The following ARHGEF7 variants were observed in gnomAD, a reference collection of about 807,000 sequenced individuals.
ARHGEF7 encodes PAK-interacting exchange factor beta.
In ARHGEF7, 33 loss-of-function variants were observed where a neutral mutation model predicts 109.8. The observed-to-expected ratio is 0.30, with a 90% CI of 0.23 to 0.40. The LOEUF (loss-of-function observed/expected upper bound fraction) is 0.40, where lower values mean the gene tolerates loss of function less well. Ranked by LOEUF, ARHGEF7 falls within the 10% of genes least tolerant of loss-of-function variation. The pLI is 1.00. For synonymous variants in ARHGEF7, 458 were observed against 424.6 expected, an observed-to-expected ratio of 1.08 and a Z score of -0.97; for missense variants, 938 against 1,098.5, an observed-to-expected ratio of 0.85 and a Z score of 2.07.
rs1417785536 is a variant in ARHGEF7 at position 111,221,329 on chromosome 13, GTCTATATATATCT to G, written c.670+3450_670+3462del. Among the ~76,000 whole-genome samples, 4 of 1,636 alleles carry G rather than the reference GTCTATATATATCT, an allele frequency of 2.4e-3. 2 individuals carry two copies. Among genetic ancestry groups the G allele is most frequent in the South Asian group, 0.059 (2 of 34 alleles). The allele number at this position is 1,636 out of a possible 152,430, so 1.1% of individuals were successfully genotyped here. A position where few individuals can be genotyped will look rare whatever the true frequency, so the allele number is the denominator to read the frequency against. On this transcript the variant is annotated intron_variant, in intron 5 of 21. Transcript: ENST00000646102. Reference sequence around the variant, plus strand: ...TATATATCTATATATAGATATATATGTCTATATATATCTATATATATGTCTATATATATATCTA... The same window carrying G: ...TATATATCTATATATAGATATATATGATATATATGTCTATATATATATCTA...
chr13:111,263,788 CTG>C (rs1436752801), intron 8 of ARHGEF7, among the ~76,000 whole-genome samples: 1 of 150,194 alleles, frequency 6.7e-6, no homozygotes, highest in Non-Finnish European at 1.5e-5. Flanking sequence ...TTCTCAAAAC[CTG>C]TGTGTCTTAA....
rs146625966 is a variant in ARHGEF7, at chr13:111,274,102, C to A, written c.1212+150C>A. On this transcript the variant is annotated intron_variant, in intron 10 of 21. Coordinates refer to ENST00000646102, the MANE Select transcript of ARHGEF7 (RefSeq NM_001354046.2). Reference sequence around the variant, plus strand: ...GAGTTTTGTTAAATATTATGTTTTTCTCCTTATTCCAGCTCTATTAGAAAA... The same window carrying A: ...GAGTTTTGTTAAATATTATGTTTTTATCCTTATTCCAGCTCTATTAGAAAA... 138 of 1,014,864 alleles carry A rather than the reference C, an allele frequency of 1.4e-4. No homozygotes were observed. In the African/African-American group the frequency reaches 2.1e-3, roughly 15 times the overall value. The allele number at this position is 1,014,864 out of a possible 1,614,324, so 62.9% of individuals were successfully genotyped here. A position where few individuals can be genotyped will look rare whatever the true frequency, so the allele number is the denominator to read the frequency against.
chr13:111,213,653 A>AT (rs2082765242), intron 4 of ARHGEF7, among the ~76,000 whole-genome samples: 1 of 152,060 alleles, frequency 6.6e-6, no homozygotes, highest in African/African-American at 2.4e-5. Context: ...CAACTGAATG[A>AT]TTTAGATTCC....
intron 1 of ARHGEF7, among the ~76,000 whole-genome samples, chr13:111,130,010 G>A (rs1450995351): frequency 6.6e-6 from 1 of 152,196 alleles, no homozygotes; most frequent in Non-Finnish European, 1.5e-5. Context: ...TAAACAGATT[G>A]TGGTATATTC....
At chr13:111,158,700 A>T (rs1436384275) in intron 2 of ARHGEF7, among the ~76,000 whole-genome samples, 2 of 152,228 alleles carry the variant, frequency 1.3e-5, no homozygotes, top group African/African-American at 4.8e-5. Flanking sequence ...AGCTTGCCTC[A>T]TATCCAGTTT....
At chr13:111,202,224 G>A (rs1256008405) in intron 2 of ARHGEF7, among the ~76,000 whole-genome samples, 1 of 152,202 alleles carries the variant, frequency 6.6e-6, no homozygotes, top group Non-Finnish European at 1.5e-5. Flanking sequence ...TAGTGCAGGT[G>A]GCAGGAAGTG....
intron 1 of ARHGEF7, among the ~76,000 whole-genome samples, chr13:111,118,267 G>T (rs1173549483): frequency 6.6e-6 from 1 of 152,270 alleles, no homozygotes; most frequent in Non-Finnish European, 1.5e-5. Flanking sequence ...TAGGAAGAGG[G>T]TGGAGGGAGC....
At chr13:111,197,458 C>T (rs1043425545) in intron 2 of ARHGEF7, among the ~76,000 whole-genome samples, 1 of 152,194 alleles carries the variant, frequency 6.6e-6, no homozygotes, top group Non-Finnish European at 1.5e-5. Flanking sequence ...ATGACCCTTA[C>T]TGACGCATTC....
At chr13:111,143,014 T>C (rs1487245719) in intron 1 of ARHGEF7, among the ~76,000 whole-genome samples, 2 of 152,156 alleles carry the variant, frequency 1.3e-5, no homozygotes, top group African/African-American at 4.8e-5. Flanking sequence ...CTTCACTGTG[T>C]GTGGAGCTGG....
At chr13:111,265,145 AAAG>A (rs1555392425) in intron 8 of ARHGEF7, among the ~76,000 whole-genome samples, 1 of 150,194 alleles carries the variant, frequency 6.7e-6, no homozygotes, top group African/African-American at 2.5e-5. Flanking sequence ...AAAAAAAAAA[AAAG>A]AAGACCCATT....
At chr13:111,297,135 T>C (rs2093445174) in intron 19 of ARHGEF7, among the ~76,000 whole-genome samples, 1 of 152,244 alleles carries the variant, frequency 6.6e-6, no homozygotes, top group African/African-American at 2.4e-5. Flanking sequence ...TCAACTTACG[T>C]AAACCTGGCT....
intron 8 of ARHGEF7, among the ~76,000 whole-genome samples, chr13:111,264,799 G>A (rs1049938444): frequency 4.6e-5 from 7 of 152,198 alleles, no homozygotes; most frequent in South Asian, 2.1e-4. Context: ...CCACCTGAAC[G>A]TGTGTGGGAT....
chr13:111,145,129 G>A lies in ARHGEF7; in HGVS notation c.166-8776G>A, dbSNP rs1167247172. The stretch of plus-strand genomic sequence containing the variant: ...ATAACTTGGAGATTGTGACATATCA[G>A]GATATAAAGCTGCCCCTTTTTTAAA... On this transcript the variant is annotated intron_variant, in intron 1 of 21. Transcript: ENST00000646102. This position sits in a 1 kb window ranked among gnomAD's most constrained non-coding sequence, Gnocchi z 4.3. Among the ~76,000 whole-genome samples, 2 of 152,010 alleles carry A rather than the reference G, an allele frequency of 1.3e-5. No homozygotes were observed. The highest frequency in any genetic ancestry group is 4.8e-5 in the African/African-American group (2 of 41,380).
intron 8 of ARHGEF7, among the ~76,000 whole-genome samples, chr13:111,245,624 G>A (rs1335088083): frequency 2.0e-5 from 3 of 152,052 alleles, no homozygotes; most frequent in Non-Finnish European, 4.4e-5. Context: ...CGGCCACTAC[G>A]CTCCTCACCT....
intron 19 of ARHGEF7, chr13:111,293,342 C>T (rs1179588042): frequency 1.7e-5 from 17 of 984,866 alleles, no homozygotes; most frequent in Non-Finnish European, 1.9e-5. Flanking sequence ...ACTCCATTTA[C>T]AGCAACCCCA....
chr13:111,191,775 A>T (rs1033579182), intron 2 of ARHGEF7, among the ~76,000 whole-genome samples: 7 of 152,116 alleles, frequency 4.6e-5, no homozygotes, highest in Admixed American at 6.5e-5. Flanking sequence ...GAAGGTAAAG[A>T]GGGTGCTCTG....
rs1482156407 is a variant in ARHGEF7, at chr13:111,283,304, C to T, written c.1891C>T (p.Leu631=). Residue 631 remains leucine, a synonymous_variant, in exon 16 of 22, where the codon CTG becomes TTG. Transcript: ENST00000646102. ...EPPKTPKPWS[L]SCLRPAPPLR... Reference sequence around the variant, plus strand: ...TCCGAAAACACCCAAGCCCTGGAGCCTGAGCTGCCTGCGGCCCGCGCCTCC... The same window carrying T: ...TCCGAAAACACCCAAGCCCTGGAGCTTGAGCTGCCTGCGGCCCGCGCCTCC... 1.3e-6 allele frequency: 2 copies of T among 1,572,534 alleles called. No individual in the cohort carries two copies. The highest frequency in any genetic ancestry group is 1.3e-5 in the African/African-American group (1 of 74,254).
intron 8 of ARHGEF7, among the ~76,000 whole-genome samples, chr13:111,265,261 T>C (rs1463311004): frequency 6.6e-6 from 1 of 152,132 alleles, no homozygotes; most frequent in African/African-American, 2.4e-5. Flanking sequence ...CCACAGCTAT[T>C]ATAGGACGTA....
chr13:111,224,479 TCTC>T (rs1288405038), intron 5 of ARHGEF7, among the ~76,000 whole-genome samples: 1 of 152,220 alleles, frequency 6.6e-6, no homozygotes, highest in Non-Finnish European at 1.5e-5. Flanking sequence ...CTTTAGTCAT[TCTC>T]CTATTTCTGG....
Sources: allele counts gnomAD v4.1 joint callset (sites outside exome capture counted in the v4.1 genomes callset), GRCh38; gene constraint gnomAD v4.1.1; non-coding constraint Gnocchi (gnomAD v3.1); transcripts MANE v1.5; gene names NCBI Gene and HGNC (gene_info 2026-07-23, HGNC 2026-07-21).